Variants in WDR33 observed in about 807,000 individuals in gnomAD.
The protein encoded by WDR33 is pre-mRNA 3' end processing protein WDR33.
In WDR33, 47 loss-of-function variants were observed where a neutral mutation model predicts 164.9. The ratio of observed to expected loss-of-function variants is 0.29; its 90% CI spans 0.23 to 0.36. WDR33 has a LOEUF of 0.36. Ranked by LOEUF, WDR33 falls within the 10% of genes least tolerant of loss-of-function variation. WDR33 has a pLI of 1.00. For missense variants in WDR33, 1,137 were observed against 1,754.1 expected, an observed-to-expected ratio of 0.65 and a Z score of 6.28; for synonymous variants, 505 against 589.0, an observed-to-expected ratio of 0.86 and a Z score of 2.06.
intron 7 of WDR33, among the ~76,000 whole-genome samples, chr2:127,748,779 C>G (rs1687233752): frequency 6.6e-6 from 1 of 151,096 alleles, no homozygotes; most frequent in African/African-American, 2.4e-5. Flanking sequence ...GACAGGGTCT[C>G]ATTCTGTCAC....
At chr2:127,752,849 C>T (rs977395446) in intron 7 of WDR33, among the ~76,000 whole-genome samples, 1 of 152,164 alleles carries the variant, frequency 6.6e-6, no homozygotes, top group African/African-American at 2.4e-5. Context: ...TTGGCCACAG[C>T]GTGTCATCAT....
chr2:127,744,803 G>A (rs1687119772), intron 7 of WDR33, among the ~76,000 whole-genome samples: 1 of 152,078 alleles, frequency 6.6e-6, no homozygotes, highest in Admixed American at 6.5e-5. Flanking sequence ...TTGTGTAGGT[G>A]TGAATACACC....
chr2:127,794,941 T>C (rs1688980049), intron 1 of WDR33, among the ~76,000 whole-genome samples: 1 of 151,844 alleles, frequency 6.6e-6, no homozygotes, highest in South Asian at 2.1e-4. Flanking sequence ...GGAGGATCAC[T>C]TGAGCCCAGT....
Position 127,719,162 on chromosome 2 carries a change from G to T in WDR33, c.2760+103C>A. The T allele has an allele frequency of 2.3e-6, 3 of 1,279,330 alleles. No individual in the cohort carries two copies. The South Asian group carries it at 9.3e-5, about 40-fold the overall frequency. 79.2% of individuals were successfully genotyped at this position (1,279,330 alleles called of 1,614,324 possible). The stretch of plus-strand genomic sequence containing the variant: ...TTAAGCTACTGTCACTACTTGATAA[G>T]TATTTATATCCAGCTGTGACCATTT... On this transcript the variant is annotated intron_variant, in intron 16 of 21. Coordinates refer to ENST00000322313, the MANE Select transcript of WDR33 (RefSeq NM_018383.5). This position sits in a 1 kb window ranked among gnomAD's most constrained non-coding sequence, Gnocchi z 6.5.
At chr2:127,736,470 C>G (rs1184788706) in intron 7 of WDR33, 1 of 985,286 alleles carries the variant, frequency 1.0e-6, no homozygotes, top group Non-Finnish European at 1.2e-6. Context: ...CAGGAGCAAC[C>G]AATACACAAA....
intron 7 of WDR33, among the ~76,000 whole-genome samples, chr2:127,745,263 C>A (rs1202073590): frequency 6.6e-6 from 1 of 152,150 alleles, no homozygotes; most frequent in African/African-American, 2.4e-5. Flanking sequence ...CATAACTGTG[C>A]TATCGATCCT....
intron 1 of WDR33, among the ~76,000 whole-genome samples, chr2:127,787,914 G>T (rs1165729053): frequency 1.0e-3 from 53 of 51,056 alleles, no homozygotes; most frequent in Non-Finnish European, 1.4e-3. Flanking sequence ...CCTCCCTCCC[G>T]GACGGGGCGG....
rs186385821 is a variant in WDR33, at chr2:127,726,417, A to G, written c.851+234T>C. Among the ~76,000 whole-genome samples the G allele has an allele frequency of 2.0e-3, 303 of 152,302 alleles. 1 individual carries two copies. Among genetic ancestry groups the G allele is most frequent in the African/African-American group, 7.0e-3 (293 of 41,572 alleles). On this transcript the variant is annotated intron_variant, in intron 8 of 21. Transcript: ENST00000322313. This position sits in a 1 kb window ranked among gnomAD's most constrained non-coding sequence, Gnocchi z 4.8. ...CCTCCTCATCCTCCTCCCCACCCGT[A>G]TATAACAACCAAATTAAACTTAGGT...
chr2:127,763,089 G>A lies in WDR33; in HGVS notation c.697C>T (p.Arg233Cys), dbSNP rs756762892. 6.2e-6 allele frequency: 10 copies of A among 1,613,908 alleles called. No homozygotes were observed. The highest frequency in any genetic ancestry group is 1.3e-5 in the African/African-American group (1 of 74,920). Residue 233 changes from arginine to cysteine, a missense_variant, in exon 7 of 22, where the codon CGT (arginine) becomes TGT (cysteine). Coordinates refer to ENST00000322313, the MANE Select transcript of WDR33 (RefSeq NM_018383.5). The surrounding 1 kb of genome is among the most constrained non-coding windows in gnomAD (Gnocchi z 4.5). The stretch of plus-strand genomic sequence containing the variant: ...CGGAGAATTCTTTCCTCATGGCAAC[G>A]AAGAAAGTCCCAGATTCTAACAGTG... ...DGTVRIWDFLRCHEERILRGH... is the reference protein window; with the variant it reads ...DGTVRIWDFLCCHEERILRGH...
Position 127,708,534 on chromosome 2 carries a change from G to T in WDR33, c.3781+143C>A. 1.1e-6 allele frequency: 1 copy of T among 904,934 alleles called. No individual in the cohort carries two copies. The highest frequency in any genetic ancestry group is 1.6e-6 in the Non-Finnish European group (1 of 606,210). 56.1% of individuals were successfully genotyped at this position (904,934 alleles called of 1,614,324 possible). On this transcript the variant is annotated intron_variant, in intron 21 of 21. Coordinates refer to ENST00000322313, the MANE Select transcript of WDR33 (RefSeq NM_018383.5). This position sits in a 1 kb window ranked among gnomAD's most constrained non-coding sequence, Gnocchi z 6.7. ...AGGGCTGAGTTGCAGTCCACCAGATGACAGCTCGTGTGGCACTGGCACCAC... is the reference window on the plus strand; with the variant it reads ...AGGGCTGAGTTGCAGTCCACCAGATTACAGCTCGTGTGGCACTGGCACCAC...
At chr2:127,779,894 C>T (rs763243740) in intron 1 of WDR33, among the ~76,000 whole-genome samples, 5 of 152,110 alleles carry the variant, frequency 3.3e-5, no homozygotes, top group Non-Finnish European at 7.3e-5. Flanking sequence ...TAACAGAATT[C>T]TAACCAAAAG....
chr2:127,740,164 A>G (rs1208191508), intron 7 of WDR33, among the ~76,000 whole-genome samples: 1 of 152,218 alleles, frequency 6.6e-6, no homozygotes, highest in Non-Finnish European at 1.5e-5. Context: ...TGAGAAGATG[A>G]TACCAATCAC....
chr2:127,701,857 T>C lies in WDR33; in HGVS notation c.*4466A>G. The C allele has an allele frequency of 2.7e-6, 4 of 1,459,860 alleles. No individual in the cohort carries two copies. Among genetic ancestry groups the C allele is most frequent in the Non-Finnish European group, 3.6e-6 (4 of 1,111,144 alleles). 90.4% of individuals were successfully genotyped at this position (1,459,860 alleles called of 1,614,324 possible). ...CTGCTGCGCGCGCGCAAGTTCGCGCTGCTCTGGTCACTGGGCTCGGCGCTG... is the reference window on the plus strand; with the variant it reads ...CTGCTGCGCGCGCGCAAGTTCGCGCCGCTCTGGTCACTGGGCTCGGCGCTG... On this transcript the variant is annotated 3_prime_UTR_variant, in exon 22 of 22. Coordinates refer to ENST00000322313, the MANE Select transcript of WDR33 (RefSeq NM_018383.5).
intron 7 of WDR33, among the ~76,000 whole-genome samples, chr2:127,753,711 C>T (rs1687437650): frequency 6.6e-6 from 1 of 151,892 alleles, no homozygotes; most frequent in Non-Finnish European, 1.5e-5. Flanking sequence ...AGTAATAAAA[C>T]AGCATTTTTA....
chr2:127,743,328 A>C (rs1055589270), intron 7 of WDR33, among the ~76,000 whole-genome samples: 1 of 152,198 alleles, frequency 6.6e-6, no homozygotes, highest in African/African-American at 2.4e-5. Context: ...GAATTAAACT[A>C]TGGCATTATT....
At chr2:127,782,522 G>C (rs1171529717) in intron 1 of WDR33, among the ~76,000 whole-genome samples, 1 of 152,068 alleles carries the variant, frequency 6.6e-6, no homozygotes, top group Non-Finnish European at 1.5e-5. Context: ...TTCATAACTT[G>C]GGGGAAGCAG....
chr2:127,762,096 G>A (rs890508427), intron 7 of WDR33, among the ~76,000 whole-genome samples: 17 of 152,154 alleles, frequency 1.1e-4, no homozygotes, highest in Non-Finnish European at 2.4e-4. Flanking sequence ...TTGAACATAA[G>A]GGAAAAGCTC....
intron 1 of WDR33, among the ~76,000 whole-genome samples, chr2:127,796,037 AAATAG>A (rs1041118568): frequency 1.8e-4 from 27 of 151,896 alleles, no homozygotes; most frequent in Middle Eastern, 6.8e-3. Context: ...TAAATTAGGT[AAATAG>A]AACAGGTATT....
chr2:127,737,044 TATA>T (rs1686865676), intron 7 of WDR33: 1 of 985,430 alleles, frequency 1.0e-6, no homozygotes, highest in Non-Finnish European at 1.2e-6. Flanking sequence ...ATTCTTCAGT[TATA>T]ATAACCAGAA....
Sources: gnomAD v4.1 joint callset for allele counts (sites outside exome capture counted in the v4.1 genomes callset) on GRCh38, gnomAD v4.1.1 for gene constraint, Gnocchi (gnomAD v3.1) non-coding constraint, MANE v1.5 for transcripts, NCBI Gene and HGNC (gene_info 2026-07-23, HGNC 2026-07-21) for gene names.